CSMD1: variants seen among roughly 807,000 people sequenced by gnomAD.
CSMD1 encodes CUB and Sushi multiple domains 1, also known as CUB and sushi domain-containing protein 1.
A neutral mutation model predicts 417.5 loss-of-function variants in CSMD1; 213 were observed. The ratio of observed to expected loss-of-function variants is 0.51; its 90% CI spans 0.46 to 0.57. CSMD1 has a LOEUF of 0.57. Ranked by LOEUF, CSMD1 falls within the 20% of genes least tolerant of loss-of-function variation. The pLI, the probability that CSMD1 is intolerant of heterozygous loss-of-function variation, is 0.00. For synonymous variants in CSMD1, 2,862 were observed against 1,736.8 expected (o/e 1.65, Z -16.11); for missense variants, 6,923 against 4,529.7 (o/e 1.53, Z -15.17).
intron 26 of CSMD1, among the ~76,000 whole-genome samples, chr8:3,243,974 T>C (rs987200322): frequency 2.0e-5 from 3 of 152,168 alleles, no homozygotes; most frequent in Admixed American, 1.3e-4. Flanking sequence ...AGAAGTACGT[T>C]TGCTTAGCAT....
intron 3 of CSMD1, among the ~76,000 whole-genome samples, chr8:4,384,587 G>T (rs1025168356): frequency 1.3e-5 from 2 of 152,050 alleles, no homozygotes; most frequent in Non-Finnish European, 2.9e-5. Flanking sequence ...CTTAGAAAAG[G>T]CATACATTTC....
intron 3 of CSMD1, among the ~76,000 whole-genome samples, chr8:4,142,275 T>C (rs1408814250): frequency 1.3e-5 from 2 of 151,256 alleles, no homozygotes; most frequent in South Asian, 4.1e-4. Flanking sequence ...CTACTCTTGG[T>C]ATAAGGTAAT....
At chr8:3,629,557 G>C (rs929027417) in intron 7 of CSMD1, among the ~76,000 whole-genome samples, 14 of 152,140 alleles carry the variant, frequency 9.2e-5, no homozygotes, top group African/African-American at 3.1e-4. Flanking sequence ...CCTGTAAACA[G>C]TTTAGACTAA....
At chr8:3,365,261 G>C (rs978182494) in intron 20 of CSMD1, among the ~76,000 whole-genome samples, 5 of 152,310 alleles carry the variant, frequency 3.3e-5, no homozygotes, top group African/African-American at 1.2e-4. Context: ...AGTCTTGAAA[G>C]CTTCACTTGA....
At chr8:4,449,721 C>A (rs58489119) in intron 2 of CSMD1, among the ~76,000 whole-genome samples, 12,887 of 152,036 alleles carry the variant, frequency 0.085, 1,502 homozygotes, top group African/African-American at 0.26. Context: ...GAAGAAATGC[C>A]AGAATAGGGT....
intron 4 of CSMD1, among the ~76,000 whole-genome samples, chr8:4,016,941 T>A (rs912353737): frequency 6.6e-6 from 1 of 152,150 alleles, no homozygotes; most frequent in African/African-American, 2.4e-5. Context: ...TCTCAAAAGA[T>A]GAAACTCCTT....
intron 69 of CSMD1, among the ~76,000 whole-genome samples, chr8:2,941,787 A>C (rs1801892729): frequency 6.6e-6 from 1 of 152,216 alleles, no homozygotes; most frequent in South Asian, 2.1e-4. Flanking sequence ...GAAATCAATG[A>C]AACATCTATC....
chr8:3,498,826 G>A (rs181733150), intron 10 of CSMD1, among the ~76,000 whole-genome samples: 53 of 151,994 alleles, frequency 3.5e-4, no homozygotes, highest in African/African-American at 1.3e-3. Flanking sequence ...TTATTATTCA[G>A]TTTCAAGACT....
chr8:3,815,222 G>A (rs1801306093), intron 5 of CSMD1, among the ~76,000 whole-genome samples: 1 of 152,038 alleles, frequency 6.6e-6, no homozygotes, highest in Non-Finnish European at 1.5e-5. Context: ...CCTTTTATGG[G>A]AACATAGAGT....
intron 1 of CSMD1, among the ~76,000 whole-genome samples, chr8:4,849,575 T>G (rs955838097): frequency 6.6e-6 from 1 of 152,152 alleles, no homozygotes; most frequent in Non-Finnish European, 1.5e-5. Flanking sequence ...AGGTGTAGCA[T>G]TTTTCATCTT....
chr8:4,620,011 T>C (rs1801681135), intron 2 of CSMD1, among the ~76,000 whole-genome samples: 2 of 152,038 alleles, frequency 1.3e-5, no homozygotes, highest in African/African-American at 2.4e-5. Flanking sequence ...TAAGCATTGA[T>C]TTTATATATG....
At chr8:3,280,763 C>T (rs1352984852) in intron 26 of CSMD1, among the ~76,000 whole-genome samples, 4 of 138,564 alleles carry the variant, frequency 2.9e-5, no homozygotes, top group East Asian at 4.3e-4. Context: ...ATGGTGTCTT[C>T]ATGCTTATTT....
chr8:4,813,200 G>C (rs777245796), intron 1 of CSMD1, among the ~76,000 whole-genome samples: 14 of 152,100 alleles, frequency 9.2e-5, no homozygotes, highest in Non-Finnish European at 1.9e-4. Context: ...CATGTTTTGG[G>C]CTTAGGAATA....
chr8:4,354,624 G>C (rs1425115177), intron 3 of CSMD1, among the ~76,000 whole-genome samples: 1 of 151,970 alleles, frequency 6.6e-6, no homozygotes, highest in Non-Finnish European at 1.5e-5. Context: ...ATAAGAACGT[G>C]TCTACTCAAA....
chr8:4,154,749 T>C (rs1240801417), intron 3 of CSMD1, among the ~76,000 whole-genome samples: 3 of 152,048 alleles, frequency 2.0e-5, no homozygotes, highest in African/African-American at 4.8e-5. Context: ...GTAAGGCTAA[T>C]ATCCCCGTAA....
chr8:4,446,306 G>A lies in CSMD1; in HGVS notation c.303-26241C>T, dbSNP rs189474909. 2.2e-3 allele frequency among the ~76,000 whole-genome samples: 330 copies of A among 152,232 alleles called. 1 individual carries two copies. Among genetic ancestry groups the A allele is most frequent in the Non-Finnish European group, 3.8e-3 (259 of 68,000 alleles). ...CTCATGCCCGTAATCCTGCTTCTTT[G>A]GGAGCCCAGCATGGGTGGATCGCTT... On this transcript the variant is annotated intron_variant, in intron 2 of 69. Coordinates refer to ENST00000635120, the MANE Select transcript of CSMD1 (RefSeq NM_033225.6).
chr8:3,565,288 G>C (rs1016583097), intron 10 of CSMD1, among the ~76,000 whole-genome samples: 1 of 152,002 alleles, frequency 6.6e-6, no homozygotes, highest in East Asian at 1.9e-4. Flanking sequence ...AGTTGGCCAG[G>C]CGTCCTCCTT....
At position 3,997,915 on chromosome 8, in the gene CSMD1, G is replaced by A. The variant is rs776008906; in HGVS notation, c.806C>T (p.Ala269Val). 2 of 1,612,002 alleles carry A rather than the reference G, an allele frequency of 1.2e-6. No individual in the cohort carries two copies. The highest frequency in any genetic ancestry group is 2.2e-5 in the East Asian group (1 of 44,822). Reference sequence around the variant, plus strand: ...TCCCGGGACTTACCATATGGATGGAGCTTCCGTGCCACTGATCTCTAAGAA... The same window carrying A: ...TCCCGGGACTTACCATATGGATGGAACTTCCGTGCCACTGATCTCTAAGAA... ...YDFLEISGTE[A>V]PSIWLTGMNL... is the part of the protein sequence containing the mutation. The change falls in exon 5 of 70, where the codon GCT becomes GTT. Residue 269 changes from alanine to valine, a missense_variant. Coordinates refer to ENST00000635120, the MANE Select transcript of CSMD1 (RefSeq NM_033225.6).
intron 12 of CSMD1, among the ~76,000 whole-genome samples, chr8:3,437,419 G>A (rs763592182): frequency 2.0e-5 from 3 of 152,058 alleles, no homozygotes; most frequent in African/African-American, 7.2e-5. Flanking sequence ...TATCCTAAAG[G>A]CTGAATTAAA....
Sources: gnomAD v4.1 joint callset for allele counts (sites outside exome capture counted in the v4.1 genomes callset) on GRCh38, gnomAD v4.1.1 for gene constraint, MANE v1.5 for transcripts, NCBI Gene and HGNC (gene_info 2026-07-23, HGNC 2026-07-21) for gene names.